The following ARHGAP12 variants were observed in gnomAD, a reference collection of about 807,000 sequenced individuals.
The protein encoded by ARHGAP12 is rho GTPase-activating protein 12.
In ARHGAP12, 64 loss-of-function variants were observed where a neutral mutation model predicts 108.6. That is an observed-to-expected ratio of 0.59 (90% confidence interval 0.48 to 0.73). The LOEUF is 0.73. Among genes scored for constraint, ARHGAP12 ranks in the 30% least tolerant of loss-of-function variants. The probability of loss-of-function intolerance (pLI) is 0.00; values close to 1 mark genes in which losing one functional copy is unlikely to be tolerated. For missense variants in ARHGAP12, 940 were observed against 1,005.9 expected (o/e 0.93, Z 0.89); for synonymous variants, 312 against 337.2 (o/e 0.93, Z 0.82).
intron 3 of ARHGAP12, among the ~76,000 whole-genome samples, chr10:31,875,559 T>C (rs769169417): frequency 5.1e-4 from 78 of 152,328 alleles, no homozygotes; most frequent in Non-Finnish European, 9.6e-4. Flanking sequence ...GTAATCACAG[T>C]GATCAAAAGT....
At chr10:31,920,449 CAAAAAAA>C (rs71027040) in intron 1 of ARHGAP12, among the ~76,000 whole-genome samples, 45 of 59,608 alleles carry the variant, frequency 7.5e-4, no homozygotes, top group Middle Eastern at 0.012. Flanking sequence ...GACTCCGTCT[CAAAAAAA>C]AAAAAAAAAA....
At chr10:31,919,904 G>A (rs1252195442) in intron 1 of ARHGAP12, among the ~76,000 whole-genome samples, 1 of 151,922 alleles carries the variant, frequency 6.6e-6, no homozygotes, top group Non-Finnish European at 1.5e-5. Flanking sequence ...GGATCACGAG[G>A]TAGGAGTTCA....
Position 31,809,280 on chromosome 10 carries a change from A to T in ARHGAP12, c.2078T>A (p.Val693Glu). The change falls in exon 17 of 20, where the codon GTA becomes GAA. Residue 693 changes from valine to glutamate, a missense_variant. Transcript: ENST00000344936. ...CTGGATCACTGCGAGGTTGCCACTT[A>T]CTCTGTATATCCCATCAATATCCAA... ...HGLDIDGIYR[V>E]SGNLAVIQKL... The T allele has an allele frequency of 1.2e-6, 2 of 1,613,836 alleles. No homozygotes were observed. The highest frequency in any genetic ancestry group is 1.7e-6 in the Non-Finnish European group (2 of 1,179,838).
intron 4 of ARHGAP12, among the ~76,000 whole-genome samples, chr10:31,859,623 A>G (rs1418091842): frequency 6.6e-6 from 1 of 152,092 alleles, no homozygotes; most frequent in Non-Finnish European, 1.5e-5. Flanking sequence ...ACTCCCATCT[A>G]TTTACTAAAA....
intron 3 of ARHGAP12, among the ~76,000 whole-genome samples, chr10:31,900,562 T>A (rs924914336): frequency 2.0e-5 from 3 of 152,170 alleles, no homozygotes; most frequent in African/African-American, 4.8e-5. Context: ...GGATGAATCT[T>A]AAATACACAC....
At chr10:31,888,370 C>T (rs1838265957) in intron 3 of ARHGAP12, among the ~76,000 whole-genome samples, 3 of 152,174 alleles carry the variant, frequency 2.0e-5, no homozygotes, top group Admixed American at 6.5e-5. Flanking sequence ...AAGACAGACT[C>T]TTTCTCTGAG....
chr10:31,874,673 T>C (rs1185391635), intron 3 of ARHGAP12, among the ~76,000 whole-genome samples: 1 of 149,804 alleles, frequency 6.7e-6, no homozygotes, highest in Non-Finnish European at 1.5e-5. Flanking sequence ...ACTCTATAAG[T>C]AGAAAAAAAA....
At chr10:31,858,257 G>C (rs527560751) in intron 4 of ARHGAP12, among the ~76,000 whole-genome samples, 12 of 152,196 alleles carry the variant, frequency 7.9e-5, no homozygotes, top group South Asian at 2.1e-4. Flanking sequence ...GAGAAAAGAA[G>C]GTGGTAAAAA....
chr10:31,913,234 G>A (rs1451321167), intron 1 of ARHGAP12: 2 of 153,984 alleles, frequency 1.3e-5, no homozygotes, highest in African/African-American at 4.8e-5. Context: ...GCACCCAGAT[G>A]GTTCAGTCAG....
chr10:31,810,579 G>T, intron 16 of ARHGAP12, 70 bp downstream of exon 16: 2 of 1,082,066 alleles, frequency 1.8e-6, no homozygotes, highest in Non-Finnish European at 2.7e-6. Context: ...AAAATTCTAG[G>T]AATTTTGATG....
At position 31,905,589 on chromosome 10, in the gene ARHGAP12, C is replaced by T. The variant is rs149815850; in HGVS notation, c.684+2583G>A. Among the ~76,000 whole-genome samples, 55 of 152,040 alleles carry T rather than the reference C, an allele frequency of 3.6e-4. 1 individual carries two copies. In the East Asian group the frequency reaches 9.6e-3, roughly 27 times the overall value. On this transcript the variant is annotated intron_variant, in intron 3 of 19. Coordinates refer to ENST00000344936, the MANE Select transcript of ARHGAP12 (RefSeq NM_018287.7). ...TAAAGGAAGATAAAAGATGCTCAGA[C>T]GGGAAGGAGGAGCTGAAGAAGAGCT...
chr10:31,911,827 G>C (rs1839362869), intron 1 of ARHGAP12, among the ~76,000 whole-genome samples: 1 of 152,108 alleles, frequency 6.6e-6, no homozygotes, highest in African/African-American at 2.4e-5. Context: ...AACAAATCCA[G>C]AATGTGAGAC....
intron 16 of ARHGAP12, 58 bp from the exon 17 acceptor site, chr10:31,809,365 T>C: frequency 2.7e-6 from 4 of 1,472,448 alleles, no homozygotes; most frequent in Non-Finnish European, 3.8e-6. Flanking sequence ...TTGCCTCTTC[T>C]GAACACGTTT....
intron 3 of ARHGAP12, among the ~76,000 whole-genome samples, chr10:31,902,329 C>CA (rs1337648963): frequency 0.023 from 2,266 of 97,394 alleles, 29 homozygotes; most frequent in African/African-American, 0.049. Context: ...TATCCATAGG[C>CA]AAAAAAAAAA....
At chr10:31,809,488 C>T (rs992000532) in intron 16 of ARHGAP12, 181 bp from the exon 17 acceptor site, 3 of 582,002 alleles carry the variant, frequency 5.2e-6, no homozygotes, top group Non-Finnish European at 6.1e-6. Context: ...GATGGAGATT[C>T]GCTCTGAATT....
chr10:31,856,981 T>C (rs777913141), intron 4 of ARHGAP12, among the ~76,000 whole-genome samples: 59 of 152,352 alleles, frequency 3.9e-4, no homozygotes, highest in Middle Eastern at 3.4e-3. Flanking sequence ...TGAAATAACA[T>C]ACTAATATTA....
chr10:31,914,938 C>T (rs116508556), intron 1 of ARHGAP12, among the ~76,000 whole-genome samples: 6,573 of 152,284 alleles, frequency 0.043, 203 homozygotes, highest in Non-Finnish European at 0.07. Context: ...ATACACACAA[C>T]AGGATACTAC....
chr10:31,854,182 A>G lies in ARHGAP12; in HGVS notation c.973T>C (p.Tyr325His), dbSNP rs1223645464. ...QELLSSEENY[Y>H]STSYSQSDSQ... ...TCTGACTGGCTGTAAGAAGTGCTGT[A>G]GTAGTTTTCTTCCGATGAAAGAAGC... Residue 325 changes from tyrosine (Y) to histidine (H), a missense_variant, in exon 5 of 20, where the codon TAC becomes CAC. Physicochemically the swap from Tyr to His is moderately conservative, Grantham distance 83. Coordinates refer to ENST00000344936, the MANE Select transcript of ARHGAP12 (RefSeq NM_018287.7). 6.2e-7 allele frequency: 1 copy of G among 1,609,414 alleles called. No homozygotes were observed. Among genetic ancestry groups the G allele is most frequent in the African/African-American group, 1.3e-5 (1 of 74,860 alleles).
At chr10:31,819,550 A>C (rs1035575623) in intron 12 of ARHGAP12, among the ~76,000 whole-genome samples, 2 of 152,174 alleles carry the variant, frequency 1.3e-5, no homozygotes, top group African/African-American at 4.8e-5. Context: ...ATACTCTGAA[A>C]GTAATGTGTG....
Sources: gnomAD v4.1 joint callset for allele counts (sites outside exome capture counted in the v4.1 genomes callset) on GRCh38, gnomAD v4.1.1 for gene constraint, MANE v1.5 for transcripts, NCBI Gene and HGNC (gene_info 2026-07-23, HGNC 2026-07-21) for gene names.